Variants in BRAP observed in about 807,000 individuals in gnomAD.
BRAP encodes BRCA1-associated protein.
BRAP carries 42 observed loss-of-function variants against 73.4 expected under a neutral mutation model. The observed-to-expected ratio is 0.57, with a 90% confidence interval of 0.45 to 0.74. The LOEUF (loss-of-function observed/expected upper bound fraction) is 0.74. Ranked by LOEUF, BRAP falls within the 30% of genes least tolerant of loss-of-function variation. The pLI is 0.00. For missense variants in BRAP, 593 were observed against 751.4 expected (o/e 0.79, Z 2.46); for synonymous variants, 255 against 267.4 (o/e 0.95, Z 0.45).
At position 111,644,333 on chromosome 12, in the gene BRAP, G is replaced by C. The variant is rs1566106420; in HGVS notation, c.1645C>G (p.Leu549Val). ...ATTTCCTGCCGGGTCTCGGCAGGCA[G>C]ATGGTTGATCTTCTGCTGTGTCTCC... ...YLETQQKINH[L>V]PAETRQEIQE... The change falls in exon 12 of 12, where the codon CTG becomes GTG. Residue 549 changes from leucine (L) to valine (V), a missense_variant. Transcript: ENST00000419234. 1 of 1,613,950 alleles carries C rather than the reference G, an allele frequency of 6.2e-7. No homozygotes were observed. The highest frequency in any genetic ancestry group is 1.1e-5 in the South Asian group (1 of 91,074).
chr12:111,665,141 T>C lies in BRAP; in HGVS notation c.896+498A>G, dbSNP rs1238328791. The stretch of plus-strand genomic sequence containing the variant: ...TCTTTGTCTGTAGCAACATCACCTA[T>C]GACTAAGACCTGGTATGTTGGGAAT... On this transcript the variant is annotated intron_variant, in intron 6 of 11. Transcript: ENST00000419234. The surrounding 1 kb of genome is among the most constrained non-coding windows in gnomAD (Gnocchi z 4.3). 6.6e-6 allele frequency among the ~76,000 whole-genome samples: 1 copy of C among 152,194 alleles called. No individual in the cohort carries two copies. Among genetic ancestry groups the C allele is most frequent in the Non-Finnish European group, 1.5e-5 (1 of 68,030 alleles).
Position 111,677,975 on chromosome 12 carries a change from G to A in BRAP, c.633+1176C>T, listed in dbSNP as rs572654206. ...CCCCCACTAAAAAGAGAATGAGGCCGGGTGCAGTCGCTCACGCCTGTAATC... is the reference window on the plus strand; with the variant it reads ...CCCCCACTAAAAAGAGAATGAGGCCAGGTGCAGTCGCTCACGCCTGTAATC... On this transcript the variant is annotated intron_variant, in intron 4 of 11. Transcript: ENST00000419234. Among the ~76,000 whole-genome samples the A allele has an allele frequency of 1.5e-4, 23 of 152,108 alleles. No homozygotes were observed. In the South Asian group the frequency reaches 4.4e-3, roughly 29 times the overall value.
At chr12:111,659,137 A>T in intron 8 of BRAP, 70 bp downstream of exon 8, 1 of 1,528,538 alleles carries the variant, frequency 6.5e-7, no homozygotes, top group East Asian at 2.3e-5. Flanking sequence ...TGGGAGGGAA[A>T]GTGAAGGCGT....
At chr12:111,648,298 C>T (rs903341079) in intron 11 of BRAP, among the ~76,000 whole-genome samples, 11 of 143,702 alleles carry the variant, frequency 7.7e-5, no homozygotes, top group Admixed American at 2.2e-4. Flanking sequence ...TCCAGCCTGG[C>T]GACAGAGCAA....
chr12:111,662,504 T>A (rs1886792134), intron 6 of BRAP, among the ~76,000 whole-genome samples: 2 of 151,734 alleles, frequency 1.3e-5, no homozygotes, highest in South Asian at 4.2e-4. Context: ...GAGCTGAGAT[T>A]GCGCCATTGC....
chr12:111,672,627 A>G (rs1416576557), intron 5 of BRAP, 34 bp downstream of exon 5: 11 of 1,564,728 alleles, frequency 7.0e-6, no homozygotes, highest in Non-Finnish European at 9.6e-6. Context: ...AATCTGATAT[A>G]TTTTAATTAA....
rs767089440 is a variant in BRAP at position 111,649,924 on chromosome 12, A to G, written c.1415+15T>C. On this transcript the variant is annotated intron_variant, in intron 11 of 11. Coordinates refer to ENST00000419234, the MANE Select transcript of BRAP (RefSeq NM_006768.5). ...TATAGAGCCTGTTACAACAGAATAG[A>G]CCGATTATACCTACTTTCTTTCCAC... 28 of 1,544,610 alleles carry G rather than the reference A, an allele frequency of 1.8e-5. No homozygotes were observed. The highest frequency in any genetic ancestry group is 2.4e-5 in the Non-Finnish European group (27 of 1,119,482).
intron 10 of BRAP, 24 bp from the exon 11 acceptor site, chr12:111,650,066 A>G (rs770781370): frequency 1.3e-6 from 2 of 1,501,008 alleles, no homozygotes; most frequent in Non-Finnish European, 1.9e-6. Context: ...GAGAAATCAG[A>G]TTCATTTCAC....
At chr12:111,655,541 A>G (rs1401497913) in intron 10 of BRAP, 25 bp downstream of exon 10, 1 of 1,578,810 alleles carries the variant, frequency 6.3e-7, no homozygotes, top group Admixed American at 1.7e-5. Flanking sequence ...TCATTTCCGC[A>G]GTCACCCAAA....
At chr12:111,683,561 G>T (rs1380703829) in intron 1 of BRAP, among the ~76,000 whole-genome samples, 1 of 152,028 alleles carries the variant, frequency 6.6e-6, no homozygotes, top group Non-Finnish European at 1.5e-5. Flanking sequence ...TATTTTTTGA[G>T]ACAGAGTCTC....
intron 1 of BRAP, 111 bp from the exon 2 acceptor site, chr12:111,683,418 A>G (rs1887680265): frequency 1.6e-6 from 2 of 1,275,458 alleles, no homozygotes; most frequent in Non-Finnish European, 2.2e-6. Flanking sequence ...CGCCAAGATG[A>G]TAAGAAGCCT....
chr12:111,667,253 T>C (rs1212883319), intron 5 of BRAP, among the ~76,000 whole-genome samples: 1 of 152,212 alleles, frequency 6.6e-6, no homozygotes, highest in Non-Finnish European at 1.5e-5. Context: ...TCTGGAGTTA[T>C]TACCAACTAA....
At chr12:111,668,720 A>G (rs1379496801) in intron 5 of BRAP, among the ~76,000 whole-genome samples, 3 of 151,526 alleles carry the variant, frequency 2.0e-5, no homozygotes, top group African/African-American at 7.3e-5. Flanking sequence ...GCAGTGGCAC[A>G]ATCTCGGCTC....
At chr12:111,670,990 C>G (rs1004077690) in intron 5 of BRAP, among the ~76,000 whole-genome samples, 1 of 152,052 alleles carries the variant, frequency 6.6e-6, no homozygotes, top group South Asian at 2.1e-4. Flanking sequence ...GTCCTAGCCA[C>G]TTGGGATTCT....
At chr12:111,678,413 C>T (rs1887467890) in intron 4 of BRAP, among the ~76,000 whole-genome samples, 1 of 151,858 alleles carries the variant, frequency 6.6e-6, no homozygotes, top group African/African-American at 2.4e-5. Flanking sequence ...AATCCTAGCA[C>T]TTTGGGAGAC....
At chr12:111,669,875 C>G in intron 5 of BRAP, 1 of 637,680 alleles carries the variant, frequency 1.6e-6, no homozygotes, top group African/African-American at 1.9e-5. Flanking sequence ...ATTGACATTT[C>G]CAACATAAGA....
Position 111,660,388 on chromosome 12 carries a change from A to T in BRAP, c.972+212T>A, listed in dbSNP as rs117283696. ...ATTTAGGCTGGGTGCAGTGGCTCAC[A>T]CTTGCAATCCCAGCACTATGGGTGG... On this transcript the variant is annotated intron_variant, in intron 7 of 11. Transcript: ENST00000419234. Among the ~76,000 whole-genome samples the T allele has an allele frequency of 0.012, 1,806 of 152,220 alleles. 122 individuals are homozygous for T. The South Asian group carries it at 0.17, about 15-fold the overall frequency.
chr12:111,672,856 A>G, intron 4 of BRAP, 82 bp from the exon 5 acceptor site: 1 of 1,060,808 alleles, frequency 9.4e-7, no homozygotes, highest in Non-Finnish European at 1.4e-6. Flanking sequence ...GCATGGCTTT[A>G]TTCATTCTCA....
At chr12:111,650,935 C>T (rs1031126887) in intron 10 of BRAP, among the ~76,000 whole-genome samples, 7 of 152,046 alleles carry the variant, frequency 4.6e-5, no homozygotes, top group Non-Finnish European at 8.8e-5. Context: ...ACATATCAGA[C>T]GGCAGCCATC....
Sources: gnomAD v4.1 joint callset for allele counts (sites outside exome capture counted in the v4.1 genomes callset) on GRCh38, gnomAD v4.1.1 for gene constraint, Gnocchi (gnomAD v3.1) non-coding constraint, MANE v1.5 for transcripts, NCBI Gene and HGNC (gene_info 2026-07-23, HGNC 2026-07-21) for gene names.